Variants in LRMDA observed in about 807,000 individuals in gnomAD.
LRMDA encodes leucine rich melanocyte differentiation associated.
Under a neutral mutation model 29.8 loss-of-function variants are expected in LRMDA, and 18 were observed. The ratio of observed to expected loss-of-function variants is 0.60; its 90% CI spans 0.42 to 0.90. The LOEUF (loss-of-function observed/expected upper bound fraction) is 0.90, where lower values mean the gene tolerates loss of function less well. Ranked by LOEUF, LRMDA falls within the 40% of genes least tolerant of loss-of-function variation. The pLI is 0.00. For synonymous variants in LRMDA, 125 were observed against 109.4 expected, an observed-to-expected ratio of 1.14 and a Z score of -0.89; for missense variants, 273 against 273.9, an observed-to-expected ratio of 1.00 and a Z score of 0.02.
At chr10:76,497,763 C>A (rs1842887336) in intron 6 of LRMDA, among the ~76,000 whole-genome samples, 1 of 75,576 alleles carries the variant, frequency 1.3e-5, no homozygotes, top group Non-Finnish European at 4.4e-5. Flanking sequence ...TCTGGCATCT[C>A]CACACCATTG....
In LRMDA at chr10:75,995,475, C is replaced by A. The variant is rs965666788; in HGVS notation, c.132-40533C>A. Among the ~76,000 whole-genome samples, 6 of 152,242 alleles carry A rather than the reference C, an allele frequency of 3.9e-5. No individual in the cohort carries two copies. The East Asian group carries it at 1.2e-3, about 29-fold the overall frequency. On this transcript the variant is annotated intron_variant, in intron 2 of 6. Transcript: ENST00000611255. ...GTCATCTTTGTAGGCACATTACTAC[C>A]CCTAGGTGGGAAACTGGGTTATAAA...
At chr10:76,549,248 C>A (rs912743703) in intron 6 of LRMDA, among the ~76,000 whole-genome samples, 5 of 152,150 alleles carry the variant, frequency 3.3e-5, no homozygotes, top group Admixed American at 2.0e-4. Flanking sequence ...GTCTGGGAGG[C>A]TAGCCCCACA....
intron 2 of LRMDA, among the ~76,000 whole-genome samples, chr10:75,599,418 C>T (rs1840851084): frequency 6.6e-6 from 1 of 152,186 alleles, no homozygotes. Context: ...TCATTCGGAT[C>T]AAACAGCCGC....
intron 5 of LRMDA, among the ~76,000 whole-genome samples, chr10:76,161,024 C>T (rs77966977): frequency 0.042 from 6,330 of 151,864 alleles, 183 homozygotes; most frequent in Non-Finnish European, 0.062. Flanking sequence ...TATGATGTCC[C>T]GAGAAACGGT....
chr10:75,459,807 T>G (rs1844563731), intron 2 of LRMDA, among the ~76,000 whole-genome samples: 1 of 152,186 alleles, frequency 6.6e-6, no homozygotes, highest in Admixed American at 6.5e-5. Flanking sequence ...CATCATCGCA[T>G]GGTGGAAGTG....
At chr10:76,536,619 C>T (rs1206337620) in intron 6 of LRMDA, among the ~76,000 whole-genome samples, 2 of 152,076 alleles carry the variant, frequency 1.3e-5, no homozygotes, top group Non-Finnish European at 2.9e-5. Flanking sequence ...TCTGAACATT[C>T]CCTCATGGTT....
chr10:75,793,687 G>A (rs1346602262), intron 2 of LRMDA, among the ~76,000 whole-genome samples: 1 of 152,168 alleles, frequency 6.6e-6, no homozygotes, highest in Non-Finnish European at 1.5e-5. Context: ...GTTGCTGAAA[G>A]ATCTTTCAGA....
At position 75,708,747 on chromosome 10, in the gene LRMDA, T is replaced by C. The variant is rs12251319; in HGVS notation, c.131+270253T>C. Among the ~76,000 whole-genome samples, 611 of 152,296 alleles carry C rather than the reference T, an allele frequency of 4.0e-3. 4 individuals are homozygous for C. The highest frequency in any genetic ancestry group is 0.014 in the African/African-American group (567 of 41,544). ...GCTTGAAAGGAAAAAAGGAACATCC[T>C]GCAACTTTGGAACGAGCAAGGGTTT... On this transcript the variant is annotated intron_variant, in intron 2 of 6. Coordinates refer to ENST00000611255, the MANE Select transcript of LRMDA (RefSeq NM_001305581.2).
rs571627795 is a variant in LRMDA at position 76,060,272 on chromosome 10, C to T, written c.516+1489C>T. On this transcript the variant is annotated intron_variant, in intron 5 of 6. Coordinates refer to ENST00000611255, the MANE Select transcript of LRMDA (RefSeq NM_001305581.2). Reference sequence around the variant, plus strand: ...GCAGAGTGGATCAGTATTTCTCCTGCGCTCATTGACTTTGATGTGGGCAGC... The same window carrying T: ...GCAGAGTGGATCAGTATTTCTCCTGTGCTCATTGACTTTGATGTGGGCAGC... Among the ~76,000 whole-genome samples, 8 of 152,248 alleles carry T rather than the reference C, an allele frequency of 5.3e-5. No homozygotes were observed. The East Asian group carries it at 5.8e-4, about 11-fold the overall frequency.
chr10:76,410,015 G>A (rs1025815907), intron 6 of LRMDA, among the ~76,000 whole-genome samples: 3 of 152,112 alleles, frequency 2.0e-5, no homozygotes, highest in Non-Finnish European at 2.9e-5. Flanking sequence ...TTGAAGCCTC[G>A]ACAACCGTAT....
chr10:75,817,774 G>A (rs1028077037), intron 2 of LRMDA, among the ~76,000 whole-genome samples: 9 of 152,168 alleles, frequency 5.9e-5, no homozygotes, highest in Non-Finnish European at 8.8e-5. Flanking sequence ...CTATAGTATC[G>A]GAGAACCAGA....
chr10:76,059,552 T>G (rs975109520), intron 5 of LRMDA, among the ~76,000 whole-genome samples: 1 of 152,184 alleles, frequency 6.6e-6, no homozygotes, highest in Non-Finnish European at 1.5e-5. Flanking sequence ...ATGATCTCCT[T>G]GGAGAACCAT....
intron 6 of LRMDA, among the ~76,000 whole-genome samples, chr10:76,540,355 G>A (rs780674746): frequency 1.6e-4 from 24 of 151,690 alleles, no homozygotes; most frequent in African/African-American, 2.9e-4. Flanking sequence ...ACATTGTCAC[G>A]TATTACTGGT....
chr10:75,612,897 G>A (rs1256974334), intron 2 of LRMDA, among the ~76,000 whole-genome samples: 2 of 151,958 alleles, frequency 1.3e-5, no homozygotes, highest in African/African-American at 2.4e-5. Context: ...AAAAATGGAA[G>A]GTTGAGATTT....
intron 6 of LRMDA, among the ~76,000 whole-genome samples, chr10:76,506,744 G>T (rs1197631938): frequency 6.6e-6 from 1 of 151,148 alleles, no homozygotes; most frequent in African/African-American, 2.4e-5. Flanking sequence ...TTTGTGCCTG[G>T]CTTATTTAAC....
intron 5 of LRMDA, among the ~76,000 whole-genome samples, chr10:76,127,306 A>G (rs552245993): frequency 6.6e-6 from 1 of 152,332 alleles, no homozygotes; most frequent in South Asian, 2.1e-4. Flanking sequence ...GCACACACAC[A>G]TTCATAGTAG....
At chr10:76,318,246 T>C (rs1168215669) in intron 5 of LRMDA, 2 of 152,266 alleles carry the variant, frequency 1.3e-5, no homozygotes, top group Admixed American at 6.5e-5. Context: ...TCCTTCCTTT[T>C]TTCCTTTCGT....
chr10:75,753,865 C>T (rs1842995689), intron 2 of LRMDA, among the ~76,000 whole-genome samples: 1 of 152,026 alleles, frequency 6.6e-6, no homozygotes, highest in Non-Finnish European at 1.5e-5. Context: ...GTGCTACGAA[C>T]CAGGGAGCAG....
At chr10:75,817,002 A>G (rs1349448659) in intron 2 of LRMDA, among the ~76,000 whole-genome samples, 1 of 152,220 alleles carries the variant, frequency 6.6e-6, no homozygotes, top group East Asian at 1.9e-4. Flanking sequence ...TTAACTTCCA[A>G]TTCAACAAAC....
Sources: allele counts gnomAD v4.1 joint callset (sites outside exome capture counted in the v4.1 genomes callset), GRCh38; gene constraint gnomAD v4.1.1; transcripts MANE v1.5; gene names NCBI Gene and HGNC (gene_info 2026-07-23, HGNC 2026-07-21).